Variants in CLCN1 observed in about 807,000 individuals in gnomAD.
CLCN1 encodes the protein chloride channel protein 1.
Under a neutral mutation model 114.5 loss-of-function variants are expected in CLCN1, and 100 were observed. The ratio of observed to expected loss-of-function variants is 0.87; its 90% CI spans 0.74 to 1.03. The LOEUF is 1.03. Ranked by LOEUF, CLCN1 falls within the 50% of genes least tolerant of loss-of-function variation. The pLI is 0.00. For missense variants in CLCN1, 1,188 were observed against 1,250.0 expected, an observed-to-expected ratio of 0.95 and a Z score of 0.75; for synonymous variants, 485 against 487.1, an observed-to-expected ratio of 1.00 and a Z score of 0.06.
rs1434219770 is a variant in CLCN1 at position 143,350,959 on chromosome 7, G to T, written c.2595+305G>T. Among the ~76,000 whole-genome samples the T allele has an allele frequency of 6.6e-6, 1 of 152,094 alleles. No individual in the cohort carries two copies. Among genetic ancestry groups the T allele is most frequent in the Non-Finnish European group, 1.5e-5 (1 of 68,020 alleles). On this transcript the variant is annotated intron_variant, in intron 22 of 22. Coordinates refer to ENST00000343257, the MANE Select transcript of CLCN1 (RefSeq NM_000083.3). The surrounding 1 kb of genome is among the most constrained non-coding windows in gnomAD (Gnocchi z 5.1). ...CACCCGCTAATTTTTTGTATTTTTA[G>T]TAGAGACGGGGTTTTGCCATGTTGG... is the stretch of plus-strand genomic sequence containing the variant.
chr7:143,320,877 T>C lies in CLCN1; in HGVS notation c.433+82T>C, dbSNP rs1327563956. ...AGCAGGGTGTGTTATCGGAAGCGAA[T>C]GTTAAGCAGGGTGTGTTATGGGAAG... On this transcript the variant is annotated intron_variant, in intron 3 of 22. Transcript: ENST00000343257. 3 of 1,519,514 alleles carry C rather than the reference T, an allele frequency of 2.0e-6. No homozygotes were observed. In the African/African-American group the frequency reaches 4.1e-5, roughly 21 times the overall value. The allele number at this position is 1,519,514 out of a possible 1,614,324, so 94.1% of individuals were successfully genotyped here.
In CLCN1 at chr7:143,345,890, A is replaced by G. The variant is rs45554138; in HGVS notation, c.2172+128A>G. On this transcript the variant is annotated intron_variant, in intron 17 of 22. Transcript: ENST00000343257. ...TGAAAGTAGTGGGAAGAGGGAGGGG[A>G]GAGTCTGGTAACTGAGAAAGCCAGA... 217,342 of 1,339,996 alleles carry G rather than the reference A, an allele frequency of 0.16. 19,577 individuals carry two copies. The highest frequency in any genetic ancestry group is 0.27 in the South Asian group (20,036 of 74,474). The allele number at this position is 1,339,996 out of a possible 1,614,324, so 83.0% of individuals were successfully genotyped here. A position where few individuals can be genotyped will look rare whatever the true frequency, so the allele number is the denominator to read the frequency against.
Position 143,324,631 on chromosome 7 carries a change from C to T in CLCN1, c.853+139C>T, listed in dbSNP as rs1035854605. On this transcript the variant is annotated intron_variant, in intron 7 of 22. Coordinates refer to ENST00000343257, the MANE Select transcript of CLCN1 (RefSeq NM_000083.3). The surrounding 1 kb of genome is among the most constrained non-coding windows in gnomAD (Gnocchi z 4.6). ...ACTTTTAGTAAGCCTTTGCTATGTG[C>T]CAGGCAATGTTTAAAGCACTTACTT... 1.5e-5 allele frequency: 11 copies of T among 729,412 alleles called. No individual in the cohort carries two copies. In the African/African-American group the frequency reaches 1.6e-4, roughly 10 times the overall value. 45.2% of individuals were successfully genotyped at this position (729,412 alleles called of 1,614,324 possible).
chr7:143,319,613 C>T (rs1802372498), intron 1 of CLCN1, 142 bp from the exon 2 acceptor site: 1 of 855,662 alleles, frequency 1.2e-6, no homozygotes, highest in African/African-American at 1.7e-5. Flanking sequence ...CAGGGATGAC[C>T]ACAAAGTCAC....
chr7:143,331,431 G>A (rs1469810662), intron 9 of CLCN1, 115 bp downstream of exon 9: 4 of 1,104,644 alleles, frequency 3.6e-6, no homozygotes, highest in Non-Finnish European at 5.6e-6. Context: ...GTACATTGCT[G>A]GGGGGATGTG....
At chr7:143,335,430 C>T (rs1802848735) in intron 12 of CLCN1, among the ~76,000 whole-genome samples, 1 of 152,182 alleles carries the variant, frequency 6.6e-6, no homozygotes, top group Non-Finnish European at 1.5e-5. Context: ...AAACCATTCA[C>T]TGCTACAAAT....
chr7:143,351,820 C>G lies in CLCN1; in HGVS notation c.2822C>G (p.Ser941Cys), dbSNP rs769053787. Residue 941 changes from serine to cysteine, a missense_variant, in exon 23 of 23, where the codon TCC becomes TGC. Physicochemically the swap from Ser to Cys is moderately radical, Grantham distance 112 (BLOSUM62 -1). Coordinates refer to ENST00000343257, the MANE Select transcript of CLCN1 (RefSeq NM_000083.3). ...TCTCCTTCCCCAGAGCCCCCTCTCT[C>G]CCTGGCCCCAGGCAAGGTAGAGGGC... The part of the protein sequence containing the change: ...VPSPSPEPPL[S>C]LAPGKVEGEL... 1 of 1,613,980 alleles carries G rather than the reference C, an allele frequency of 6.2e-7. No individual in the cohort carries two copies. Among genetic ancestry groups the G allele is most frequent in the South Asian group, 1.1e-5 (1 of 91,076 alleles).
intron 12 of CLCN1, among the ~76,000 whole-genome samples, chr7:143,336,640 A>G (rs1802908579): frequency 9.0e-6 from 1 of 111,122 alleles, no homozygotes; most frequent in Non-Finnish European, 1.8e-5. Context: ...AAGAAGAAAA[A>G]AAAAGGAAGG....
At chr7:143,346,075 G>A in intron 17 of CLCN1, 65 bp from the exon 18 acceptor site, 1 of 1,077,296 alleles carries the variant, frequency 9.3e-7, no homozygotes, top group Non-Finnish European at 1.4e-6. Context: ...CCACCAACTG[G>A]TAAAGGCAGT....
At chr7:143,338,048 G>A (rs1275921794) in intron 12 of CLCN1, among the ~76,000 whole-genome samples, 1 of 151,732 alleles carries the variant, frequency 6.6e-6, no homozygotes, top group Non-Finnish European at 1.5e-5. Context: ...GTTTCACCAT[G>A]TTAGCCAGAA....
rs368958317 is a variant in CLCN1 at position 143,332,442 on chromosome 7, T to A, written c.1190T>A (p.Val397Asp). The change falls in exon 11 of 23, where the codon GTT becomes GAT. Residue 397 changes from valine to aspartate, a missense_variant. Physicochemically the swap from Val to Asp is radical, Grantham distance 152. Coordinates refer to ENST00000343257, the MANE Select transcript of CLCN1 (RefSeq NM_000083.3). ...AKHRLLYPGI[V>D]TFVIASFTFP... ...AGCCGCCTGCTGTATCCTGGAATTGTTACCTTTGTCATTGCCTCATTCACC... is the reference window on the plus strand; with the variant it reads ...AGCCGCCTGCTGTATCCTGGAATTGATACCTTTGTCATTGCCTCATTCACC... The A allele has an allele frequency of 1.2e-6, 2 of 1,614,170 alleles. No homozygotes were observed. The highest frequency in any genetic ancestry group is 2.2e-5 in the South Asian group (2 of 91,086).
Position 143,346,244 on chromosome 7 carries a change from G to C in CLCN1, c.2277G>C (p.Glu759Asp). The C allele has an allele frequency of 6.2e-7, 1 of 1,607,536 alleles. No homozygotes were observed. ...ACAAACAGCAGCCGGAAGCACCAGA[G>C]CCTGCAGGTGACGCTCTTCCCTCAT... ...PGHKQQPEAPEPAGQRPSIFQ... is the reference protein window; with the variant it reads ...PGHKQQPEAPDPAGQRPSIFQ... Residue 759 changes from glutamate to aspartate, a missense_variant, in exon 18 of 23, where the codon GAG becomes GAC. Glu to Asp is a conservative substitution (Grantham distance 45). Coordinates refer to ENST00000343257, the MANE Select transcript of CLCN1 (RefSeq NM_000083.3).
chr7:143,319,876 G>C lies in CLCN1; in HGVS notation c.301+1G>C, dbSNP rs1222442432. The C allele has an allele frequency of 6.2e-7, 1 of 1,613,774 alleles. No individual in the cohort carries two copies. Among genetic ancestry groups the C allele is most frequent in the African/African-American group, 1.3e-5 (1 of 75,016 alleles). On this transcript the variant is annotated splice_donor_variant, in intron 2 of 22. Coordinates refer to ENST00000343257, the MANE Select transcript of CLCN1 (RefSeq NM_000083.3). LOFTEE classifies it high-confidence loss of function. ...GAGGATCACTATTCTAAATGTCAAG[G>C]TGATGGGGACTGAGGAATAAAGAAA...
rs746535507 is a variant in CLCN1, at chr7:143,342,113, C to T, written c.1767C>T (p.Tyr589=). ...TCATCCAGGTCAAGAAGCTACCCTA[C>T]TTGCCTGACCTTGGCTGGAACCAGC... ...DSIIQVKKLP[Y]LPDLGWNQLS... is the part of the protein sequence containing the mutation. Residue 589 remains tyrosine (Y), a synonymous_variant, in exon 15 of 23, where the codon TAC becomes TAT. Coordinates refer to ENST00000343257, the MANE Select transcript of CLCN1 (RefSeq NM_000083.3). 5.6e-6 allele frequency: 9 copies of T among 1,614,160 alleles called. No individual in the cohort carries two copies. The highest frequency in any genetic ancestry group is 1.6e-4 in the Middle Eastern group (1 of 6,062).
intron 16 of CLCN1, among the ~76,000 whole-genome samples, chr7:143,343,547 G>A (rs1240234267): frequency 1.3e-5 from 2 of 152,188 alleles, no homozygotes; most frequent in East Asian, 1.9e-4. Flanking sequence ...ATATATTTTA[G>A]TGACTAGCTG....
intron 16 of CLCN1, 23 bp downstream of exon 16, chr7:143,342,528 A>T: frequency 6.2e-7 from 1 of 1,613,426 alleles, no homozygotes; most frequent in Non-Finnish European, 8.5e-7. Flanking sequence ...GAAGAAGTCG[A>T]CTCCAGAGCT....
At chr7:143,316,955 A>G (rs1257612348) in intron 1 of CLCN1, among the ~76,000 whole-genome samples, 1 of 152,220 alleles carries the variant, frequency 6.6e-6, no homozygotes, top group Non-Finnish European at 1.5e-5. Context: ...ATGATCAAGT[A>G]AGAACCTATT....
At position 143,316,320 on chromosome 7, in the gene CLCN1, C is replaced by T. The variant is rs749833088; in HGVS notation, c.108C>T (p.Pro36=). ...AACACTGCACCAGCTACGGACTGCC[C>T]TCTGAGAATGGGGGCCTCCAGCACA... ...PFEHCTSYGL[P]SENGGLQHRL... The change falls in exon 1 of 23, where the codon CCC becomes CCT. Residue 36 remains proline (P), a synonymous_variant. Coordinates refer to ENST00000343257, the MANE Select transcript of CLCN1 (RefSeq NM_000083.3). 24 of 1,613,470 alleles carry T rather than the reference C, an allele frequency of 1.5e-5. No individual in the cohort carries two copies. In the East Asian group the frequency reaches 4.0e-4, roughly 27 times the overall value.
chr7:143,332,907 T>C (rs1358348035), intron 12 of CLCN1, 34 bp downstream of exon 12: 1 of 1,611,212 alleles, frequency 6.2e-7, no homozygotes, highest in South Asian at 1.1e-5. Flanking sequence ...ACCCTAAACC[T>C]CCATCTGTTT....
Sources: allele counts gnomAD v4.1 joint callset (sites outside exome capture counted in the v4.1 genomes callset), GRCh38; gene constraint gnomAD v4.1.1; non-coding constraint Gnocchi (gnomAD v3.1); transcripts MANE v1.5; gene names NCBI Gene and HGNC (gene_info 2026-07-23, HGNC 2026-07-21).